The following CSTF3 variants were observed in gnomAD, a reference collection of about 807,000 sequenced individuals.
CSTF3 encodes cleavage stimulation factor subunit 3.
A neutral mutation model predicts 105.8 loss-of-function variants in CSTF3; 29 were observed. The observed-to-expected ratio is 0.27, with a 90% CI of 0.20 to 0.37. CSTF3 has a LOEUF of 0.37. CSTF3 is among the 10% of genes least tolerant of loss of function. The pLI, the probability that CSTF3 is intolerant of heterozygous loss-of-function variation, is 1.00. For synonymous variants in CSTF3, 252 were observed against 281.9 expected (o/e 0.89, Z 1.06); for missense variants, 357 against 879.3 (o/e 0.41, Z 7.51).
At chr11:33,098,650 G>T in intron 13 of CSTF3, 40 bp downstream of exon 13, 3 of 1,167,330 alleles carry the variant, frequency 2.6e-6, no homozygotes, top group South Asian at 1.3e-5. Flanking sequence ...TGTTAGATAA[G>T]ACTGTAAAGG....
intron 3 of CSTF3, among the ~76,000 whole-genome samples, chr11:33,124,613 G>T (rs535527936): frequency 6.6e-6 from 1 of 152,268 alleles, no homozygotes; most frequent in South Asian, 2.1e-4. Flanking sequence ...TTTCACTTAT[G>T]AAAACTTTCA....
In CSTF3 at chr11:33,085,193, G is replaced by A; in HGVS notation, c.2048C>T (p.Ala683Val). The change falls in exon 21 of 21, where the codon GCC (alanine) becomes GTC (valine). Residue 683 changes from alanine to valine, a missense_variant. Physicochemically the swap from Ala to Val is moderately conservative, Grantham distance 64. Around this residue, in one of 4 missense-constraint regions of CSTF3, gnomAD observed 73 missense variants for 105.8 expected, o/e 0.69. Coordinates refer to ENST00000323959, the MANE Select transcript of CSTF3 (RefSeq NM_001326.3). ...PVESNAVLTK[A>V]VKRPNEDSDE... is the part of the protein sequence containing the mutation. Reference sequence around the variant, plus strand: ...TGAATCCTCGTTGGGCCTTTTGACGGCCTTGGTGAGTACTGCATTACTTTC... The same window carrying A: ...TGAATCCTCGTTGGGCCTTTTGACGACCTTGGTGAGTACTGCATTACTTTC... The A allele has an allele frequency of 6.2e-7, 1 of 1,614,052 alleles. No individual in the cohort carries two copies.
intron 3 of CSTF3, among the ~76,000 whole-genome samples, chr11:33,128,344 A>T (rs1855565769): frequency 6.6e-6 from 1 of 152,124 alleles, no homozygotes; most frequent in African/African-American, 2.4e-5. Context: ...TCAAATAGAA[A>T]CTAAAAATAA....
At chr11:33,086,636 C>T (rs1210749213) in intron 18 of CSTF3, among the ~76,000 whole-genome samples, 1 of 152,114 alleles carries the variant, frequency 6.6e-6, no homozygotes, top group Non-Finnish European at 1.5e-5. Flanking sequence ...CAAAGTTTCA[C>T]CATGTTAGTC....
chr11:33,144,590 A>AG, intron 1 of CSTF3, among the ~76,000 whole-genome samples: 1 of 152,376 alleles, frequency 6.6e-6, no homozygotes, highest in East Asian at 1.9e-4. Context: ...ATCAAAATAA[A>AG]GTTGAATTCC....
intron 13 of CSTF3, among the ~76,000 whole-genome samples, chr11:33,097,722 C>G (rs1855239608): frequency 1.3e-5 from 2 of 152,192 alleles, no homozygotes; most frequent in African/African-American, 2.4e-5. Context: ...GCCCACTACT[C>G]TATTTTCCGA....
chr11:33,115,681 G>C (rs1390296312), intron 3 of CSTF3, among the ~76,000 whole-genome samples: 1 of 152,136 alleles, frequency 6.6e-6, no homozygotes, highest in Non-Finnish European at 1.5e-5. Flanking sequence ...GTTATATTTT[G>C]GGAGGCAGCC....
chr11:33,108,529 T>A, intron 3 of CSTF3, 111 bp from the exon 4 acceptor site: 1 of 771,314 alleles, frequency 1.3e-6, no homozygotes, highest in Non-Finnish European at 1.8e-6. Flanking sequence ...AGTTTCTTAT[T>A]AATTTTTCTG....
intron 1 of CSTF3, among the ~76,000 whole-genome samples, chr11:33,160,141 T>C (rs1312173837): frequency 6.6e-6 from 1 of 151,744 alleles, no homozygotes; most frequent in Non-Finnish European, 1.5e-5. Flanking sequence ...TTTGATACAG[T>C]AATTTTAAGA....
chr11:33,119,069 T>C (rs2133785593), intron 3 of CSTF3, among the ~76,000 whole-genome samples: 1 of 151,610 alleles, frequency 6.6e-6, no homozygotes, highest in South Asian at 2.1e-4. Context: ...TTTTTTTTAA[T>C]GTGCAGAGGG....
intron 13 of CSTF3, among the ~76,000 whole-genome samples, chr11:33,097,344 T>C (rs944675033): frequency 6.6e-6 from 1 of 152,118 alleles, no homozygotes; most frequent in Non-Finnish European, 1.5e-5. Flanking sequence ...AACTCAAGGG[T>C]TGGTTTAATA....
At chr11:33,119,261 T>A (rs1855463496) in intron 3 of CSTF3, among the ~76,000 whole-genome samples, 1 of 151,956 alleles carries the variant, frequency 6.6e-6, no homozygotes, top group East Asian at 1.9e-4. Flanking sequence ...ATCAAGACAA[T>A]CTTTCCCATT....
chr11:33,129,570 A>ACATAATACGT (rs1855577787), intron 3 of CSTF3, among the ~76,000 whole-genome samples: 2 of 152,234 alleles, frequency 1.3e-5, no homozygotes, highest in Non-Finnish European at 2.9e-5. Context: ...ACTATAATCC[A>ACATAATACGT]GGCAAATACG....
At chr11:33,149,447 G>A (rs765260728) in intron 1 of CSTF3, among the ~76,000 whole-genome samples, 7 of 152,182 alleles carry the variant, frequency 4.6e-5, no homozygotes, top group Non-Finnish European at 8.8e-5. Context: ...GGTAGCCAAC[G>A]CTGAGAGTGA....
chr11:33,103,456 C>T (rs1855298443), intron 8 of CSTF3, among the ~76,000 whole-genome samples: 1 of 151,942 alleles, frequency 6.6e-6, no homozygotes, highest in African/African-American at 2.4e-5. Context: ...TTTGAAAAGG[C>T]TCAATAATTT....
intron 3 of CSTF3, among the ~76,000 whole-genome samples, chr11:33,114,724 G>A (rs559661475): frequency 2.6e-5 from 4 of 151,996 alleles, no homozygotes; most frequent in Non-Finnish European, 4.4e-5. Flanking sequence ...GGTGGCAAGC[G>A]CCCGTAATCC....
chr11:33,102,115 T>A, intron 10 of CSTF3, 62 bp downstream of exon 10: 1 of 1,430,120 alleles, frequency 7.0e-7, no homozygotes, highest in Admixed American at 1.8e-5. Context: ...TAGTAACCTA[T>A]GGGGATACCA....
At chr11:33,154,258 T>A (rs959967495) in intron 1 of CSTF3, among the ~76,000 whole-genome samples, 1 of 152,150 alleles carries the variant, frequency 6.6e-6, no homozygotes, top group Non-Finnish European at 1.5e-5. Flanking sequence ...AAATGGGCCA[T>A]GGGCTCCACT....
intron 3 of CSTF3, chr11:33,136,262 C>T (rs1246436435): frequency 6.6e-6 from 1 of 152,122 alleles, no homozygotes; most frequent in Non-Finnish European, 1.5e-5. Flanking sequence ...CCTATTATGC[C>T]ATTATACAAA....
Sources: allele counts gnomAD v4.1 joint callset (sites outside exome capture counted in the v4.1 genomes callset), GRCh38; gene constraint gnomAD v4.1.1; regional missense constraint gnomAD v4.1.1; transcripts MANE v1.5; gene names NCBI Gene and HGNC (gene_info 2026-07-23, HGNC 2026-07-21).